NELL1: variants seen among roughly 807,000 people sequenced by gnomAD.
NELL1 encodes neural EGFL like 1.
A neutral mutation model predicts 107.4 loss-of-function variants in NELL1; 76 were observed. The observed-to-expected ratio is 0.71, with a 90% CI of 0.59 to 0.86. The LOEUF (loss-of-function observed/expected upper bound fraction) is 0.86. NELL1 is among the 40% of genes least tolerant of loss of function. The probability of loss-of-function intolerance (pLI) is 0.00; values close to 1 mark genes in which losing one functional copy is unlikely to be tolerated. For synonymous variants in NELL1, 353 were observed against 341.2 expected, an observed-to-expected ratio of 1.03 and a Z score of -0.38; for missense variants, 1,024 against 1,005.5, an observed-to-expected ratio of 1.02 and a Z score of -0.25.
chr11:21,490,211 A>G (rs1306677199), intron 15 of NELL1, among the ~76,000 whole-genome samples: 1 of 152,022 alleles, frequency 6.6e-6, no homozygotes, highest in Non-Finnish European at 1.5e-5. Flanking sequence ...AAAAATATAT[A>G]CTCAGGAATT....
At chr11:21,137,372 G>A (rs115160364) in intron 13 of NELL1, among the ~76,000 whole-genome samples, 2,248 of 152,274 alleles carry the variant, frequency 0.015, 63 homozygotes, top group African/African-American at 0.052. Flanking sequence ...TTGGTGGTTG[G>A]CGGTACTGCT....
At chr11:20,898,402 A>C (rs12294614) in intron 5 of NELL1, among the ~76,000 whole-genome samples, 7,547 of 151,890 alleles carry the variant, frequency 0.05, 610 homozygotes, top group African/African-American at 0.17. Flanking sequence ...GGGGAATATC[A>C]CACACCAGGG....
At chr11:21,373,347 A>G (rs1359370398) in intron 15 of NELL1, among the ~76,000 whole-genome samples, 1 of 152,138 alleles carries the variant, frequency 6.6e-6, no homozygotes, top group African/African-American at 2.4e-5. Context: ...TTTGCCTTCA[A>G]ATAGTTGTGC....
At chr11:21,243,926 T>A (rs1413412950) in intron 14 of NELL1, among the ~76,000 whole-genome samples, 1 of 152,120 alleles carries the variant, frequency 6.6e-6, no homozygotes, top group East Asian at 1.9e-4. Context: ...ACCCTTAAAA[T>A]GAAATGGTAC....
At chr11:20,761,078 G>A (rs569745004) in intron 2 of NELL1, among the ~76,000 whole-genome samples, 6 of 152,330 alleles carry the variant, frequency 3.9e-5, no homozygotes, top group African/African-American at 1.4e-4. Flanking sequence ...CCAAACTGCA[G>A]GCATGTCTGG....
intron 8 of NELL1, among the ~76,000 whole-genome samples, chr11:20,928,079 CTGCA>C (rs1850537708): frequency 1.3e-5 from 2 of 152,178 alleles, no homozygotes; most frequent in African/African-American, 4.8e-5. Flanking sequence ...TTGACAGAGT[CTGCA>C]AATGTGTTAT....
chr11:21,537,721 G>A (rs976996428), intron 16 of NELL1, among the ~76,000 whole-genome samples: 1 of 152,064 alleles, frequency 6.6e-6, no homozygotes, highest in African/African-American at 2.4e-5. Flanking sequence ...CAAAGAGAAG[G>A]CATTCAATGC....
At chr11:20,672,974 C>T (rs1373865524) in intron 1 of NELL1, among the ~76,000 whole-genome samples, 1 of 24,730 alleles carries the variant, frequency 4.0e-5, no homozygotes, top group Non-Finnish European at 7.0e-5. Context: ...GCCTCAGCCC[C>T]CCCCCCCCCC....
intron 12 of NELL1, among the ~76,000 whole-genome samples, chr11:21,051,030 G>A (rs561840166): frequency 1.3e-4 from 20 of 152,156 alleles, no homozygotes; most frequent in Admixed American, 3.3e-4. Flanking sequence ...CTCGAAACCC[G>A]GTGGTTGTCT....
intron 3 of NELL1, among the ~76,000 whole-genome samples, chr11:20,813,594 G>C (rs1025174853): frequency 6.6e-6 from 1 of 152,168 alleles, no homozygotes; most frequent in East Asian, 1.9e-4. Context: ...TATATTCAGT[G>C]TCTTGAGTTT....
chr11:20,794,434 C>T (rs1477974202), intron 3 of NELL1, among the ~76,000 whole-genome samples: 2 of 152,184 alleles, frequency 1.3e-5, no homozygotes, highest in Non-Finnish European at 2.9e-5. Context: ...CCAGTTAGAG[C>T]TGCTCAGAAT....
Position 21,570,949 on chromosome 11 carries a change from G to T in NELL1, c.2157+9G>T, listed in dbSNP as rs774714377. 3 of 1,609,456 alleles carry T rather than the reference G, an allele frequency of 1.9e-6. No individual in the cohort carries two copies. The South Asian group carries it at 3.3e-5, about 18-fold the overall frequency. ...AGCAGTGTCGGTGTCTGGTATGTTG[G>T]CTTCCTTTATAAGGTGTTGAGCCTT... On this transcript the variant is annotated intron_variant, in intron 18 of 19. Coordinates refer to ENST00000357134, the MANE Select transcript of NELL1 (RefSeq NM_006157.5).
chr11:21,509,037 A>T (rs915901661), intron 15 of NELL1, among the ~76,000 whole-genome samples: 1 of 152,202 alleles, frequency 6.6e-6, no homozygotes, highest in Non-Finnish European at 1.5e-5. Context: ...TACATTTTAA[A>T]AATCTACATA....
chr11:20,755,563 T>TTTTTTTTTATTTATTTTA (rs1590264069), intron 2 of NELL1, among the ~76,000 whole-genome samples: 1 of 19,130 alleles, frequency 5.2e-5, no homozygotes, highest in East Asian at 1.6e-3. Context: ...TTTGTTTTTG[T>TTTTTTTTTATTTATTTTA]TTTTTTTTTT....
chr11:21,376,747 C>T (rs1851490780), intron 15 of NELL1, among the ~76,000 whole-genome samples: 1 of 151,942 alleles, frequency 6.6e-6, no homozygotes. Flanking sequence ...TTGTAGTTCT[C>T]CTTGTAGAAG....
intron 12 of NELL1, among the ~76,000 whole-genome samples, chr11:21,017,050 A>C (rs375079783): frequency 6.6e-6 from 1 of 152,114 alleles, no homozygotes; most frequent in Non-Finnish European, 1.5e-5. Context: ...TCCACCTGGC[A>C]TCATCACCAC....
intron 15 of NELL1, among the ~76,000 whole-genome samples, chr11:21,426,064 G>T (rs186854729): frequency 5.1e-4 from 78 of 152,224 alleles, no homozygotes; most frequent in African/African-American, 1.8e-3. Flanking sequence ...TGTAGGATTA[G>T]AAATACACAA....
At chr11:20,760,916 A>T (rs1373348906) in intron 2 of NELL1, among the ~76,000 whole-genome samples, 1 of 152,144 alleles carries the variant, frequency 6.6e-6, no homozygotes, top group East Asian at 1.9e-4. Context: ...GTGGAAGGAA[A>T]ACTCGGCCCA....
At chr11:20,953,479 G>A (rs1186033866) in intron 11 of NELL1, among the ~76,000 whole-genome samples, 3 of 152,174 alleles carry the variant, frequency 2.0e-5, no homozygotes, top group Admixed American at 1.3e-4. Flanking sequence ...GATTTGGAGA[G>A]TGGCAGTGTG....
Sources: gnomAD v4.1 joint callset for allele counts (sites outside exome capture counted in the v4.1 genomes callset) on GRCh38, gnomAD v4.1.1 for gene constraint, MANE v1.5 for transcripts, NCBI Gene and HGNC (gene_info 2026-07-23, HGNC 2026-07-21) for gene names.